The following PLAC8L1 variants were observed in gnomAD, a reference collection of about 807,000 sequenced individuals.
The protein encoded by PLAC8L1 is PLAC8 like 1, also known as PLAC8-like protein 1.
A neutral mutation model predicts 16.3 loss-of-function variants in PLAC8L1; 13 were observed. The observed-to-expected ratio is 0.80, with a 90% confidence interval of 0.52 to 1.27. The LOEUF (loss-of-function observed/expected upper bound fraction) is 1.27. PLAC8L1 is among the 50% of genes most tolerant of loss of function. The pLI is 0.00. For synonymous variants in PLAC8L1, 78 were observed against 79.3 expected, an observed-to-expected ratio of 0.98 and a Z score of 0.09; for missense variants, 184 against 220.2, an observed-to-expected ratio of 0.84 and a Z score of 1.04.
intron 2 of PLAC8L1, among the ~76,000 whole-genome samples, chr5:146,088,353 T>C (rs1056903602): frequency 3.3e-5 from 5 of 152,294 alleles, no homozygotes; most frequent in African/African-American, 1.2e-4. Flanking sequence ...GTAGCCACCA[T>C]TGTCTTTTAG....
At chr5:146,102,141 G>A (rs1381829589) in intron 1 of PLAC8L1, among the ~76,000 whole-genome samples, 5 of 146,732 alleles carry the variant, frequency 3.4e-5, no homozygotes, top group East Asian at 2.0e-4. Context: ...CTGCAACCTC[G>A]AACTCCTGGG....
At chr5:146,091,087 G>A (rs1763612478) in intron 2 of PLAC8L1, among the ~76,000 whole-genome samples, 1 of 152,052 alleles carries the variant, frequency 6.6e-6, no homozygotes, top group Admixed American at 6.5e-5. Flanking sequence ...GATATATTGT[G>A]GGGAGCCATG....
intron 2 of PLAC8L1, among the ~76,000 whole-genome samples, chr5:146,096,002 T>C (rs1763713029): frequency 6.6e-6 from 1 of 152,196 alleles, no homozygotes; most frequent in African/African-American, 2.4e-5. Flanking sequence ...CATAGCAAAA[T>C]ACCACAAACT....
At chr5:146,089,740 C>CTTTTTTTTT (rs35287551) in intron 2 of PLAC8L1, among the ~76,000 whole-genome samples, 1 of 136,196 alleles carries the variant, frequency 7.3e-6, no homozygotes, top group Non-Finnish European at 1.6e-5. Flanking sequence ...ACTTCTTCTT[C>CTTTTTTTTT]TTTTTTTTTT....
intron 2 of PLAC8L1, 106 bp downstream of exon 2, chr5:146,098,050 G>A: frequency 7.6e-7 from 1 of 1,314,040 alleles, no homozygotes; most frequent in Non-Finnish European, 1.0e-6. Flanking sequence ...CAGTTATTCT[G>A]AAAACATTTA....
chr5:146,094,936 C>T (rs72820449), intron 2 of PLAC8L1, among the ~76,000 whole-genome samples: 2,711 of 152,234 alleles, frequency 0.018, 43 homozygotes, highest in Non-Finnish European at 0.029. Context: ...AGAAGCTCTC[C>T]CTTTGTTCCC....
rs138895020 is a variant in PLAC8L1, at chr5:146,098,185, A to G, written c.227T>C (p.Leu76Pro). Residue 76 changes from leucine to proline, a missense_variant, in exon 2 of 4, where the codon CTC becomes CCC. Coordinates refer to ENST00000311450, the MANE Select transcript of PLAC8L1 (RefSeq NM_001029869.3). The stretch of plus-strand genomic sequence containing the variant: ...TCTCCTATCTCTGCAGACACTGAAG[A>G]GACCGGTGCTCCAGCCCCCGCCAGT... ...VQTGGGWSTG[L>P]FSVCRDRRIC... 25 of 1,613,912 alleles carry G rather than the reference A, an allele frequency of 1.5e-5. No individual in the cohort carries two copies. The African/African-American group carries it at 3.2e-4, about 21-fold the overall frequency.
chr5:146,098,439 C>T (rs1333215586), intron 1 of PLAC8L1, 147 bp from the exon 2 acceptor site: 5 of 596,168 alleles, frequency 8.4e-6, no homozygotes, highest in Non-Finnish European at 5.5e-6. Context: ...ATCTCCCTCC[C>T]TCCTCCCCCT....
At chr5:146,091,737 G>A (rs769296391) in intron 2 of PLAC8L1, among the ~76,000 whole-genome samples, 49 of 152,122 alleles carry the variant, frequency 3.2e-4, no homozygotes, top group Admixed American at 8.5e-4. Context: ...AGAAGTCCGC[G>A]GTTACAATGA....
intron 1 of PLAC8L1, 133 bp downstream of exon 1, chr5:146,104,060 G>C: frequency 3.5e-6 from 5 of 1,416,268 alleles, no homozygotes; most frequent in Non-Finnish European, 4.6e-6. Context: ...TTTCAAGTTT[G>C]CATGGAGAAA....
intron 2 of PLAC8L1, among the ~76,000 whole-genome samples, chr5:146,096,019 C>T (rs1429097147): frequency 6.6e-6 from 1 of 152,138 alleles, no homozygotes; most frequent in Non-Finnish European, 1.5e-5. Context: ...AACTGGGTGG[C>T]TTAAAACAAC....
intron 3 of PLAC8L1, among the ~76,000 whole-genome samples, chr5:146,085,080 T>C (rs1363842431): frequency 6.6e-6 from 1 of 151,304 alleles, no homozygotes; most frequent in East Asian, 1.9e-4. Flanking sequence ...TTTAAAATAG[T>C]TCCATACTTC....
At chr5:146,093,455 GT>G (rs1385091239) in intron 2 of PLAC8L1, among the ~76,000 whole-genome samples, 1 of 152,184 alleles carries the variant, frequency 6.6e-6, no homozygotes, top group Non-Finnish European at 1.5e-5. Flanking sequence ...AGGCTGTCGG[GT>G]CTTTGCCACG....
At chr5:146,087,304 A>C (rs1017916993) in intron 2 of PLAC8L1, among the ~76,000 whole-genome samples, 2 of 150,900 alleles carry the variant, frequency 1.3e-5, no homozygotes, top group African/African-American at 4.8e-5. Context: ...TTTTTTTGCT[A>C]TTATGAATTT....
At chr5:146,086,806 T>C (rs939360594) in intron 2 of PLAC8L1, among the ~76,000 whole-genome samples, 2 of 152,214 alleles carry the variant, frequency 1.3e-5, no homozygotes, top group African/African-American at 4.8e-5. Context: ...ACAACTCTGA[T>C]GAATGCAAAT....
Position 146,103,945 on chromosome 5 carries a change from T to C in PLAC8L1, c.119+248A>G, listed in dbSNP as rs1763864778. The C allele has an allele frequency of 4.1e-6, 4 of 985,286 alleles. No individual in the cohort carries two copies. The African/African-American group carries it at 7.0e-5, about 17-fold the overall frequency. 61.0% of individuals were successfully genotyped at this position (985,286 alleles called of 1,614,324 possible). On this transcript the variant is annotated intron_variant, in intron 1 of 3. Coordinates refer to ENST00000311450, the MANE Select transcript of PLAC8L1 (RefSeq NM_001029869.3). Reference sequence around the variant, plus strand: ...TCTCTAAAAATAAAGTTCCACTTGGTCAGGGTTCAACATTTTAAGAATAAA... The same window carrying C: ...TCTCTAAAAATAAAGTTCCACTTGGCCAGGGTTCAACATTTTAAGAATAAA...
chr5:146,085,700 A>G, intron 2 of PLAC8L1, 103 bp from the exon 3 acceptor site: 2 of 1,243,790 alleles, frequency 1.6e-6, no homozygotes, highest in South Asian at 3.6e-5. Context: ...TTAATGCTGC[A>G]CTGTCTCCCT....
rs73313982 is a variant in PLAC8L1 at position 146,093,261 on chromosome 5, G to A, written c.256+4895C>T. ...GACTCAAGTAAAGGTATTTGACTCT[G>A]AAGAGAAAAACCAGGTGGATAGAGA... On this transcript the variant is annotated intron_variant, in intron 2 of 3. Transcript: ENST00000311450. Among the ~76,000 whole-genome samples, 1,195 of 152,238 alleles carry A rather than the reference G, an allele frequency of 7.8e-3. 13 individuals are homozygous for A. The highest frequency in any genetic ancestry group is 0.027 in the African/African-American group (1,113 of 41,526).
chr5:146,089,700 T>C (rs1216887883), intron 2 of PLAC8L1, among the ~76,000 whole-genome samples: 1 of 152,028 alleles, frequency 6.6e-6, no homozygotes, highest in African/African-American at 2.4e-5. Context: ...ACTTTACATT[T>C]ATTCCTGTGG....
Sources: gnomAD v4.1 joint callset for allele counts (sites outside exome capture counted in the v4.1 genomes callset) on GRCh38, gnomAD v4.1.1 for gene constraint, MANE v1.5 for transcripts, NCBI Gene and HGNC (gene_info 2026-07-23, HGNC 2026-07-21) for gene names.